Variants in AP5M1 observed in about 807,000 individuals in gnomAD.
The protein encoded by AP5M1 is adaptor related protein complex 5 subunit mu 1.
A neutral mutation model predicts 52.3 loss-of-function variants in AP5M1; 44 were observed. The ratio of observed to expected loss-of-function variants is 0.84; its 90% CI spans 0.66 to 1.08. The LOEUF is 1.08. Ranked by LOEUF, AP5M1 falls within the 50% of genes least tolerant of loss-of-function variation. The pLI is 0.00. For synonymous variants in AP5M1, 213 were observed against 199.0 expected (o/e 1.07, Z -0.59); for missense variants, 526 against 568.4 (o/e 0.93, Z 0.76).
Position 57,292,477 on chromosome 14 carries a change from A to G in AP5M1, c.*3593A>G, listed in dbSNP as rs1456825747. 6.6e-6 allele frequency: 1 copy of G among 151,864 alleles called. No homozygotes were observed. The highest frequency in any genetic ancestry group is 1.5e-5 in the Non-Finnish European group (1 of 67,826). 9.4% of individuals were successfully genotyped at this position (151,864 alleles called of 1,614,324 possible). ...TTATTTTCAGTATTTGAAGATGTAAAGTCCTGTCTGCTAAGTTAGAAAGTC... is the reference window on the plus strand; with the variant it reads ...TTATTTTCAGTATTTGAAGATGTAAGGTCCTGTCTGCTAAGTTAGAAAGTC... On this transcript the variant is annotated 3_prime_UTR_variant, in exon 8 of 8. Transcript: ENST00000261558.
rs114716822 is a variant in AP5M1 at position 57,269,018 on chromosome 14, C to T, written c.-297C>T. 1,527 of 552,052 alleles carry T rather than the reference C, an allele frequency of 2.8e-3. 19 individuals are homozygous for T. Among genetic ancestry groups the T allele is most frequent in the African/African-American group, 0.026 (1,334 of 51,716 alleles). The allele number at this position is 552,052 out of a possible 1,614,324, so 34.2% of individuals were successfully genotyped here. A position where few individuals can be genotyped will look rare whatever the true frequency, so the allele number is the denominator to read the frequency against. On this transcript the variant is annotated 5_prime_UTR_variant, in exon 1 of 8. Transcript: ENST00000261558. ...AGGAACTTTGATCCTTGCGGGCCACCATTCCGGAAGTAGAATTTAGAGGAA... is the reference window on the plus strand; with the variant it reads ...AGGAACTTTGATCCTTGCGGGCCACTATTCCGGAAGTAGAATTTAGAGGAA...
intron 3 of AP5M1, among the ~76,000 whole-genome samples, chr14:57,281,765 C>G (rs377678661): frequency 3.3e-5 from 5 of 152,232 alleles, no homozygotes; most frequent in African/African-American, 1.2e-4. Flanking sequence ...ATTGGAGCAA[C>G]AGGAGCTGTG....
intron 4 of AP5M1, 88 bp downstream of exon 4, chr14:57,282,316 T>C (rs1885200952): frequency 9.5e-7 from 1 of 1,051,680 alleles, no homozygotes; most frequent in Non-Finnish European, 1.3e-6. Flanking sequence ...TCTTTTACCT[T>C]ATTTTTAAGG....
chr14:57,282,900 G>T, intron 4 of AP5M1, 34 bp from the exon 5 acceptor site: 1 of 1,419,282 alleles, frequency 7.0e-7, no homozygotes, highest in South Asian at 1.3e-5. Context: ...TTATATCTAT[G>T]ATCTTTTTCT....
chr14:57,280,163 T>C, intron 2 of AP5M1, 32 bp from the exon 3 acceptor site: 1 of 1,515,536 alleles, frequency 6.6e-7, no homozygotes, highest in Middle Eastern at 1.7e-4. Context: ...GCTTCTGAGA[T>C]TTTGGTGATA....
chr14:57,275,523 C>G (rs1361158701), intron 2 of AP5M1: 1 of 153,064 alleles, frequency 6.5e-6, no homozygotes, highest in Non-Finnish European at 1.5e-5. Context: ...TTTTTATTAC[C>G]TAGCTGGGAG....
At chr14:57,277,255 T>C (rs1436638741) in intron 2 of AP5M1, among the ~76,000 whole-genome samples, 1 of 152,166 alleles carries the variant, frequency 6.6e-6, no homozygotes, top group East Asian at 1.9e-4. Context: ...AAATAACTGA[T>C]GATCCGGCAT....
chr14:57,273,406 A>G (rs1884941207), intron 1 of AP5M1, among the ~76,000 whole-genome samples: 1 of 152,236 alleles, frequency 6.6e-6, no homozygotes, highest in South Asian at 2.1e-4. Flanking sequence ...AGGGAAGTTA[A>G]GTGATTTACT....
chr14:57,286,290 T>G lies in AP5M1; in HGVS notation c.1361T>G (p.Phe454Cys). ...GCAGATCAGCATTCAGTTCAAGTTT[T>G]TGCATCAGGAAAACCAAAAATAAGT... The part of the protein sequence containing the change: ...CYADQHSVQV[F>C]ASGKPKISAH... The change falls in exon 7 of 8, where the codon TTT becomes TGT. Residue 454 changes from phenylalanine to cysteine, a missense_variant. Physicochemically the swap from Phe to Cys is radical, Grantham distance 205. Around this residue, in one of 3 missense-constraint regions of AP5M1, gnomAD observed 97 missense variants for 121.3 expected, o/e 0.80. Coordinates refer to ENST00000261558, the MANE Select transcript of AP5M1 (RefSeq NM_018229.4). 6.2e-7 allele frequency: 1 copy of G among 1,612,806 alleles called. No individual in the cohort carries two copies. The highest frequency in any genetic ancestry group is 8.5e-7 in the Non-Finnish European group (1 of 1,179,030).
chr14:57,278,100 G>C (rs1392426279), intron 2 of AP5M1, among the ~76,000 whole-genome samples: 1 of 152,172 alleles, frequency 6.6e-6, no homozygotes, highest in African/African-American at 2.4e-5. Context: ...TTTCAAGATA[G>C]AGGTACAAAG....
chr14:57,281,913 C>T (rs965130794), intron 3 of AP5M1, among the ~76,000 whole-genome samples, 176 bp from the exon 4 acceptor site: 2 of 152,000 alleles, frequency 1.3e-5, no homozygotes, highest in African/African-American at 2.4e-5. Context: ...TTCTCATCTC[C>T]GAAAACAAAG....
chr14:57,269,247 G>C lies in AP5M1; in HGVS notation c.-68G>C. ...TTCTGTTAAGAGTCTGTCTGAGAAA[G>C]CCGGTCTGCGCTGTTCCTCGGTGGC... On this transcript the variant is annotated 5_prime_UTR_variant, in exon 1 of 8. Transcript: ENST00000261558. The C allele has an allele frequency of 1.4e-6, 2 of 1,458,852 alleles. No individual in the cohort carries two copies. The highest frequency in any genetic ancestry group is 3.6e-5 in the Admixed American group (2 of 56,318). 90.4% of individuals were successfully genotyped at this position (1,458,852 alleles called of 1,614,324 possible).
intron 2 of AP5M1, 177 bp downstream of exon 2, chr14:57,275,066 G>A (rs1482416205): frequency 3.1e-6 from 2 of 654,848 alleles, no homozygotes; most frequent in African/African-American, 1.8e-5. Context: ...AATTATATTA[G>A]TTATCTGTGG....
intron 1 of AP5M1, among the ~76,000 whole-genome samples, chr14:57,273,288 A>G (rs751107724): frequency 6.6e-6 from 1 of 152,200 alleles, no homozygotes. Context: ...ATTAGTAAAC[A>G]TCAATATTTT....
chr14:57,271,933 A>G (rs1004318032), intron 1 of AP5M1, among the ~76,000 whole-genome samples: 4 of 152,172 alleles, frequency 2.6e-5, no homozygotes, highest in African/African-American at 9.7e-5. Context: ...TTGTGAGGCT[A>G]CTGGTAGTGT....
rs1230866948 is a variant in AP5M1, at chr14:57,274,261, A to C, written c.92A>C (p.Glu31Ala). 2 of 1,609,974 alleles carry C rather than the reference A, an allele frequency of 1.2e-6. No homozygotes were observed. Among genetic ancestry groups the C allele is most frequent in the Non-Finnish European group, 1.7e-6 (2 of 1,177,838 alleles). ...VRFSRRYPTV[E>A]KRARVFNGAS... ...TAATGCAGACGGTATCCAACTGTTG[A>C]AAAACGAGCCAGAGTCTTCAATGGA... Residue 31 changes from glutamate (E) to alanine (A), a missense_variant, in exon 2 of 8, where the codon GAA becomes GCA. Transcript: ENST00000261558.
At chr14:57,273,055 T>C (rs182781804) in intron 1 of AP5M1, among the ~76,000 whole-genome samples, 17 of 152,128 alleles carry the variant, frequency 1.1e-4, no homozygotes, top group African/African-American at 3.9e-4. Flanking sequence ...TTCTCCTGCC[T>C]CAGCCTCCCG....
chr14:57,271,108 TCTA>T (rs1177292035), intron 1 of AP5M1: 1 of 152,226 alleles, frequency 6.6e-6, no homozygotes, highest in Non-Finnish European at 1.5e-5. Flanking sequence ...TGTGGGTAGT[TCTA>T]CTATGTTGGA....
In AP5M1 at chr14:57,289,274, GA is replaced by G. The variant is rs1360266579; in HGVS notation, c.*391del. The G allele has an allele frequency of 6.5e-6, 1 of 153,918 alleles. No individual in the cohort carries two copies. The highest frequency in any genetic ancestry group is 1.4e-5 in the Non-Finnish European group (1 of 69,462). The allele number at this position is 153,918 out of a possible 1,614,324, so 9.5% of individuals were successfully genotyped here. A position where few individuals can be genotyped will look rare whatever the true frequency, so the allele number is the denominator to read the frequency against. On this transcript the variant is annotated 3_prime_UTR_variant, in exon 8 of 8. Coordinates refer to ENST00000261558, the MANE Select transcript of AP5M1 (RefSeq NM_018229.4). ...GGGTCAGGCTCCTTTTTAGTTCAGA[GA>G]TTCAGGCAGCCACTCCCAGTGGGTT...
Sources: gnomAD v4.1 joint callset for allele counts (sites outside exome capture counted in the v4.1 genomes callset) on GRCh38, gnomAD v4.1.1 for gene constraint, gnomAD v4.1.1 regional missense constraint, MANE v1.5 for transcripts, NCBI Gene and HGNC (gene_info 2026-07-23, HGNC 2026-07-21) for gene names.